NBEAL1: variants seen among roughly 807,000 people sequenced by gnomAD.
NBEAL1 encodes the protein neurobeachin-like protein 1.
NBEAL1 carries 273 observed loss-of-function variants against 351.3 expected under a neutral mutation model. The observed-to-expected ratio is 0.78, with a 90% CI of 0.70 to 0.86. The LOEUF is 0.86. Among genes scored for constraint, NBEAL1 ranks in the 40% least tolerant of loss-of-function variants. The probability of loss-of-function intolerance (pLI) is 0.00; values close to 1 mark genes in which losing one functional copy is unlikely to be tolerated. For missense variants in NBEAL1, 2,961 were observed against 3,201.3 expected, an observed-to-expected ratio of 0.92 and a Z score of 1.81; for synonymous variants, 1,050 against 1,086.4, an observed-to-expected ratio of 0.97 and a Z score of 0.66.
At chr2:203,018,757 T>C (rs1481452321) in intron 2 of NBEAL1, among the ~76,000 whole-genome samples, 1 of 152,180 alleles carries the variant, frequency 6.6e-6, no homozygotes, top group Non-Finnish European at 1.5e-5. Context: ...ACAGTTTATG[T>C]ATAACTGTCA....
At chr2:203,059,284 C>CA (rs1242404805) in intron 6 of NBEAL1, among the ~76,000 whole-genome samples, 2 of 152,118 alleles carry the variant, frequency 1.3e-5, no homozygotes, top group Non-Finnish European at 2.9e-5. Context: ...GTTAAAGATA[C>CA]AAAATTTCAG....
chr2:203,138,274 C>T lies in NBEAL1; in HGVS notation c.4678C>T (p.Gln1560Ter). The change falls in exon 30 of 56, where the codon CAG (glutamine) becomes TAG (stop). Residue 1560 changes from glutamine (Q) to a stop codon, truncating the protein, a stop_gained. Transcript: ENST00000683969. LOFTEE classifies it high-confidence loss of function. ...AGTGCTGATCATACAGGACTTTCTT[C>T]AGTCAGAGGGACTAGTTAATTCAAA... ...RLVLIIQDFL[Q>*]SEGLVNSNMW... 2 of 1,613,954 alleles carry T rather than the reference C, an allele frequency of 1.2e-6. No homozygotes were observed. Among genetic ancestry groups the T allele is most frequent in the Non-Finnish European group, 1.7e-6 (2 of 1,179,928 alleles).
chr2:203,167,128 T>C, intron 37 of NBEAL1, 99 bp from the exon 38 acceptor site: 1 of 1,169,986 alleles, frequency 8.5e-7, no homozygotes, highest in Non-Finnish European at 1.2e-6. Context: ...ATTGAATTCC[T>C]TTTTCCTAAA....
intron 10 of NBEAL1, among the ~76,000 whole-genome samples, chr2:203,093,785 T>C (rs1222811849): frequency 6.6e-6 from 1 of 152,196 alleles, no homozygotes; most frequent in Non-Finnish European, 1.5e-5. Flanking sequence ...AGGGTGAAGG[T>C]TGCAGTGAGC....
chr2:203,095,250 A>AT (rs2062157594), intron 10 of NBEAL1, among the ~76,000 whole-genome samples: 1 of 152,134 alleles, frequency 6.6e-6, no homozygotes, highest in Non-Finnish European at 1.5e-5. Context: ...CTTAGGGTAG[A>AT]TTTTTAGAAA....
At chr2:203,114,473 G>T (rs775532068) in intron 17 of NBEAL1, among the ~76,000 whole-genome samples, 3 of 152,162 alleles carry the variant, frequency 2.0e-5, no homozygotes, top group Non-Finnish European at 4.4e-5. Context: ...GGATAAGTTT[G>T]CAAACTGTTT....
At position 203,124,730 on chromosome 2, in the gene NBEAL1, G is replaced by T. The variant is rs111753811; in HGVS notation, c.2683-622G>T. ...TGTATGGTATCGACTGTATGTCAGA[G>T]ACTGCACTTTTTATATATTAGCTTA... On this transcript the variant is annotated intron_variant, in intron 19 of 55. Coordinates refer to ENST00000683969, the MANE Select transcript of NBEAL1 (RefSeq NM_001378026.1). 8.7e-3 allele frequency among the ~76,000 whole-genome samples: 1,326 copies of T among 152,266 alleles called. 15 individuals carry two copies. Among genetic ancestry groups the T allele is most frequent in the African/African-American group, 0.031 (1,276 of 41,552 alleles).
At chr2:203,171,642 A>G (rs1183446498) in intron 39 of NBEAL1, among the ~76,000 whole-genome samples, 1 of 149,208 alleles carries the variant, frequency 6.7e-6, no homozygotes, top group African/African-American at 2.5e-5. Flanking sequence ...ATTTTAAGGT[A>G]TTCAAATAAA....
At chr2:203,200,161 T>A (rs1427154037) in intron 49 of NBEAL1, among the ~76,000 whole-genome samples, 1 of 152,102 alleles carries the variant, frequency 6.6e-6, no homozygotes, top group Non-Finnish European at 1.5e-5. Context: ...GCGGACCACC[T>A]GAGGTCAGAA....
chr2:203,070,028 T>C (rs2061654895), intron 7 of NBEAL1, among the ~76,000 whole-genome samples: 1 of 152,236 alleles, frequency 6.6e-6, no homozygotes, highest in Non-Finnish European at 1.5e-5. Context: ...TTTTTGTATA[T>C]TGATTTTTAT....
intron 36 of NBEAL1, among the ~76,000 whole-genome samples, chr2:203,161,484 C>T (rs1054729796): frequency 4.0e-5 from 6 of 151,530 alleles, no homozygotes; most frequent in Non-Finnish European, 7.4e-5. Flanking sequence ...CAAAAATTAG[C>T]CAGGCATGGT....
At chr2:203,090,926 AAAAGGAAAGGGAAAGGGAAGGGAAGGGAG>A (rs1574955197) in intron 10 of NBEAL1, among the ~76,000 whole-genome samples, 1 of 151,970 alleles carries the variant, frequency 6.6e-6, no homozygotes, top group Non-Finnish European at 1.5e-5. Context: ...AAGGAAAGGG[AAAAGGAAAGGGAAAGGGAAGGGAAGGGAG>A]AAAGGAAAGG....
At chr2:203,168,656 G>A (rs1234122369) in intron 38 of NBEAL1, among the ~76,000 whole-genome samples, 1 of 152,046 alleles carries the variant, frequency 6.6e-6, no homozygotes, top group African/African-American at 2.4e-5. Context: ...AGCACTTTGG[G>A]AGGCCAAGGT....
At chr2:203,168,892 T>TGAAA (rs1297433578) in intron 38 of NBEAL1, among the ~76,000 whole-genome samples, 1 of 13,034 alleles carries the variant, frequency 7.7e-5, no homozygotes, top group African/African-American at 1.6e-4. Flanking sequence ...AGACTCCATC[T>TGAAA]CAAAAAAAAA....
chr2:203,143,076 A>C (rs2106332705), intron 31 of NBEAL1, among the ~76,000 whole-genome samples: 1 of 152,260 alleles, frequency 6.6e-6, no homozygotes, highest in Admixed American at 6.5e-5. Flanking sequence ...ATACTTTTTA[A>C]TTTTATTTTG....
Position 203,083,368 on chromosome 2 carries a change from C to A in NBEAL1, c.834C>A (p.Ile278=). Reference sequence around the variant, plus strand: ...AGTGCCTTACAGAAGTGGTACATATCCTTCTCAGTAGCAACTCTGATCAGC... The same window carrying A: ...AGTGCCTTACAGAAGTGGTACATATACTTCTCAGTAGCAACTCTGATCAGC... ...TLKCLTEVVH[I]LLSSNSDQRQ... is the part of the protein sequence containing the mutation. The change falls in exon 9 of 56, where the codon ATC becomes ATA. Residue 278 remains isoleucine, a synonymous_variant. Transcript: ENST00000683969. 1 of 1,555,164 alleles carries A rather than the reference C, an allele frequency of 6.4e-7. No individual in the cohort carries two copies. Among genetic ancestry groups the A allele is most frequent in the African/African-American group, 1.4e-5 (1 of 73,708 alleles).
At chr2:203,045,528 G>T (rs2061212064) in intron 3 of NBEAL1, among the ~76,000 whole-genome samples, 1 of 152,184 alleles carries the variant, frequency 6.6e-6, no homozygotes, top group South Asian at 2.1e-4. Flanking sequence ...TTGTAACTGG[G>T]TTATAGAATT....
chr2:203,148,711 C>A (rs2063571377), intron 33 of NBEAL1, among the ~76,000 whole-genome samples: 1 of 150,980 alleles, frequency 6.6e-6, no homozygotes, highest in Non-Finnish European at 1.5e-5. Context: ...TTTAAAAGTT[C>A]TGTGTTGAGG....
At position 203,068,484 on chromosome 2, in the gene NBEAL1, C is replaced by G. The variant is rs1206699431; in HGVS notation, c.598+9C>G. 3 of 1,473,540 alleles carry G rather than the reference C, an allele frequency of 2.0e-6. No homozygotes were observed. 91.3% of individuals were successfully genotyped at this position (1,473,540 alleles called of 1,614,324 possible). On this transcript the variant is annotated intron_variant, in intron 7 of 55. Coordinates refer to ENST00000683969, the MANE Select transcript of NBEAL1 (RefSeq NM_001378026.1). ...CGTCCCTTTCTTTTATCGTAAGTAA[C>G]ACCTCTAATTTCTCTTGCTATGATT...
Sources: gnomAD v4.1 joint callset for allele counts (sites outside exome capture counted in the v4.1 genomes callset) on GRCh38, gnomAD v4.1.1 for gene constraint, MANE v1.5 for transcripts, NCBI Gene and HGNC (gene_info 2026-07-23, HGNC 2026-07-21) for gene names.